WDR89: variants seen among roughly 807,000 people sequenced by gnomAD.
WDR89 encodes WD repeat-containing protein 89.
A neutral mutation model predicts 29.1 loss-of-function variants in WDR89; 17 were observed. The ratio of observed to expected loss-of-function variants is 0.58; its 90% confidence interval spans 0.40 to 0.88. The LOEUF is 0.88. Among genes scored for constraint, WDR89 ranks in the 40% least tolerant of loss-of-function variants. The probability of loss-of-function intolerance (pLI) is 0.00; values close to 1 mark genes in which losing one functional copy is unlikely to be tolerated. For synonymous variants in WDR89, 138 were observed against 157.8 expected (o/e 0.87, Z 0.94); for missense variants, 396 against 456.3 (o/e 0.87, Z 1.20).
intron 1 of WDR89, among the ~76,000 whole-genome samples, chr14:63,632,183 A>G (rs886094098): frequency 1.8e-4 from 28 of 151,942 alleles, no homozygotes; most frequent in Non-Finnish European, 2.8e-4. Flanking sequence ...AAATGGGGGG[A>G]AAAAAAACAA....
chr14:63,605,110 C>G (rs1895249792), intron 2 of WDR89, among the ~76,000 whole-genome samples: 1 of 151,988 alleles, frequency 6.6e-6, no homozygotes, highest in Non-Finnish European at 1.5e-5. Context: ...GATTGCACCA[C>G]TGCACTTCAG....
intron 2 of WDR89, among the ~76,000 whole-genome samples, chr14:63,600,248 C>A (rs185704077): frequency 6.6e-6 from 1 of 152,244 alleles, no homozygotes; most frequent in Non-Finnish European, 1.5e-5. Context: ...AATCTCAGCA[C>A]TTTGGGAGGC....
At chr14:63,615,117 A>G (rs1371703677) in intron 2 of WDR89, among the ~76,000 whole-genome samples, 1 of 152,264 alleles carries the variant, frequency 6.6e-6, no homozygotes, top group Non-Finnish European at 1.5e-5. Flanking sequence ...CAGATATAAC[A>G]TTCAAAGCAT....
chr14:63,627,174 TC>T (rs1883127324), intron 1 of WDR89, among the ~76,000 whole-genome samples: 2 of 149,570 alleles, frequency 1.3e-5, no homozygotes, highest in Admixed American at 6.7e-5. Context: ...TCTCTCTCTC[TC>T]TCTCTCTCCT....
chr14:63,634,016 A>C (rs1883571479), intron 1 of WDR89, among the ~76,000 whole-genome samples: 1 of 152,210 alleles, frequency 6.6e-6, no homozygotes, highest in Non-Finnish European at 1.5e-5. Flanking sequence ...CAAAAATTAA[A>C]ATTACGAGAA....
At chr14:63,629,053 GTTCTTCCC>G (rs1443163684) in intron 1 of WDR89, among the ~76,000 whole-genome samples, 1 of 152,046 alleles carries the variant, frequency 6.6e-6, no homozygotes, top group South Asian at 2.1e-4. Flanking sequence ...GTCCTAAAAT[GTTCTTCCC>G]TTCATCACTT....
At chr14:63,633,894 G>A (rs185915259) in intron 1 of WDR89, among the ~76,000 whole-genome samples, 47 of 152,256 alleles carry the variant, frequency 3.1e-4, no homozygotes, top group Admixed American at 5.9e-4. Flanking sequence ...AATCATGTAC[G>A]GTCAGTTGCA....
At chr14:63,637,204 A>G (rs1291338110) in intron 1 of WDR89, among the ~76,000 whole-genome samples, 1 of 152,216 alleles carries the variant, frequency 6.6e-6, no homozygotes, top group Non-Finnish European at 1.5e-5. Flanking sequence ...AATCGAAACC[A>G]CAATGTGATA....
chr14:63,638,346 G>A (rs554757854), intron 1 of WDR89, among the ~76,000 whole-genome samples: 3 of 152,342 alleles, frequency 2.0e-5, no homozygotes, highest in African/African-American at 7.2e-5. Context: ...GTCCCAGCTA[G>A]GAGGCTTACG....
rs1180954548 is a variant in WDR89, at chr14:63,597,590, C to T, written c.*1189G>A. The T allele has an allele frequency of 6.6e-6, 1 of 151,982 alleles. No individual in the cohort carries two copies. The highest frequency in any genetic ancestry group is 2.4e-5 in the African/African-American group (1 of 41,356). The allele number at this position is 151,982 out of a possible 1,614,324, so 9.4% of individuals were successfully genotyped here. On this transcript the variant is annotated 3_prime_UTR_variant, in exon 3 of 3. Transcript: ENST00000620954. ...TTAAATATTTTTAATTTTAAAAAGC[C>T]CTATTGTTTTAATAGTTTCACTTCC...
intron 2 of WDR89, among the ~76,000 whole-genome samples, chr14:63,600,717 CAAAAAAAAAAAAAAAAAAAA>C (rs56059698): frequency 0.029 from 1,035 of 36,240 alleles, 16 homozygotes; most frequent in Non-Finnish European, 0.053. Flanking sequence ...GATATGTAGG[CAAAAAAAAAAAAAAAAAAAA>C]AAAAAAAAAA....
At chr14:63,616,928 G>T (rs563206298) in intron 2 of WDR89, among the ~76,000 whole-genome samples, 9 of 151,960 alleles carry the variant, frequency 5.9e-5, no homozygotes, top group African/African-American at 2.2e-4. Context: ...TCACAAATAT[G>T]AAAGAATTTT....
At chr14:63,615,025 A>G (rs557704604) in intron 2 of WDR89, among the ~76,000 whole-genome samples, 5 of 152,316 alleles carry the variant, frequency 3.3e-5, no homozygotes, top group African/African-American at 1.2e-4. Context: ...AAGTACAGGA[A>G]TCTGTTACTA....
At chr14:63,629,968 G>T (rs903750298) in intron 1 of WDR89, among the ~76,000 whole-genome samples, 3 of 151,808 alleles carry the variant, frequency 2.0e-5, no homozygotes, top group African/African-American at 7.3e-5. Context: ...TTTTTCTTGA[G>T]ATGGAGTCTC....
chr14:63,638,135 G>A (rs999759876), intron 1 of WDR89, among the ~76,000 whole-genome samples: 15 of 152,052 alleles, frequency 9.9e-5, no homozygotes, highest in African/African-American at 3.6e-4. Context: ...AGTAGAGACA[G>A]GGTTTTGCCA....
chr14:63,625,731 TA>T (rs901062508), intron 1 of WDR89, among the ~76,000 whole-genome samples: 2 of 152,198 alleles, frequency 1.3e-5, no homozygotes, highest in Admixed American at 1.3e-4. Flanking sequence ...GACCTTACAG[TA>T]GTTATATTTT....
At chr14:63,620,536 C>T (rs935876897) in intron 2 of WDR89, among the ~76,000 whole-genome samples, 1 of 152,008 alleles carries the variant, frequency 6.6e-6, no homozygotes, top group Non-Finnish European at 1.5e-5. Flanking sequence ...AGTTCAAGAG[C>T]TCTACTGTAT....
intron 2 of WDR89, among the ~76,000 whole-genome samples, chr14:63,611,272 G>A (rs946882873): frequency 2.0e-5 from 3 of 149,594 alleles, no homozygotes; most frequent in Admixed American, 6.7e-5. Context: ...AGGAGGCGGA[G>A]GTTGCGGTAG....
At chr14:63,606,937 C>A (rs1280109175) in intron 2 of WDR89, among the ~76,000 whole-genome samples, 1 of 152,178 alleles carries the variant, frequency 6.6e-6, no homozygotes, top group Non-Finnish European at 1.5e-5. Flanking sequence ...AATCTGTGTT[C>A]ATTCCAATGT....
Sources: allele counts gnomAD v4.1 joint callset (sites outside exome capture counted in the v4.1 genomes callset), GRCh38; gene constraint gnomAD v4.1.1; transcripts MANE v1.5; gene names NCBI Gene and HGNC (gene_info 2026-07-23, HGNC 2026-07-21).